Variants in COL23A1 observed in about 807,000 individuals in gnomAD.
The protein encoded by COL23A1 is collagen alpha-1(XXIII) chain.
In COL23A1, 97 loss-of-function variants were observed where a neutral mutation model predicts 99.3. That is an observed-to-expected ratio of 0.98 (90% CI 0.83 to 1.16). The LOEUF (loss-of-function observed/expected upper bound fraction) is 1.16, where lower values mean the gene tolerates loss of function less well. Among genes scored for constraint, COL23A1 ranks in the 50% most tolerant of loss-of-function variants. COL23A1 has a pLI of 0.00. For missense variants in COL23A1, 762 were observed against 757.4 expected (o/e 1.01, Z -0.07); for synonymous variants, 320 against 308.2 (o/e 1.04, Z -0.40).
In COL23A1 at chr5:178,487,293, TTTATTTATTTA is replaced by T. The variant is rs1562015614; in HGVS notation, c.361+73378_361+73388del. Reference sequence around the variant, plus strand: ...AGTCATGGTACCAGCCTCAGTTTTATTTATTTATTTATTTATTTATTTATTTATTTATTTAT... The same window carrying T: ...AGTCATGGTACCAGCCTCAGTTTTATTTTATTTATTTATTTATTTATTTAT... On this transcript the variant is annotated intron_variant, in intron 2 of 28. Coordinates refer to ENST00000390654, the MANE Select transcript of COL23A1 (RefSeq NM_173465.4). Among the ~76,000 whole-genome samples, 250 of 122,504 alleles carry T rather than the reference TTTATTTATTTA, an allele frequency of 2.0e-3. 4 individuals carry two copies. The highest frequency in any genetic ancestry group is 2.8e-3 in the Admixed American group (35 of 12,306). The allele number at this position is 122,504 out of a possible 152,430, so 80.4% of individuals were successfully genotyped here. A position where few individuals can be genotyped will look rare whatever the true frequency, so the allele number is the denominator to read the frequency against.
intron 5 of COL23A1, among the ~76,000 whole-genome samples, chr5:178,277,680 G>A (rs73804763): frequency 0.011 from 1,724 of 152,320 alleles, 36 homozygotes; most frequent in African/African-American, 0.038. Context: ...GGACCTGCTC[G>A]GTGATGCCTG....
chr5:178,411,791 A>ATATG (rs2127781474), intron 2 of COL23A1, among the ~76,000 whole-genome samples: 1 of 152,356 alleles, frequency 6.6e-6, no homozygotes, highest in East Asian at 1.9e-4. Context: ...TTTCACCTCA[A>ATATG]TATTCAACCT....
At chr5:178,531,759 T>C (rs1013569095) in intron 2 of COL23A1, among the ~76,000 whole-genome samples, 3 of 152,186 alleles carry the variant, frequency 2.0e-5, no homozygotes, top group African/African-American at 7.2e-5. Context: ...TGAGAGAGCT[T>C]CCCACTGCCC....
At chr5:178,274,450 C>G (rs895598343) in intron 5 of COL23A1, among the ~76,000 whole-genome samples, 10 of 152,168 alleles carry the variant, frequency 6.6e-5, no homozygotes, top group African/African-American at 2.4e-4. Flanking sequence ...GGGCAAGTGT[C>G]CAAGTGTCTA....
intron 26 of COL23A1, 80 bp downstream of exon 26, chr5:178,242,261 C>T: frequency 1.3e-6 from 2 of 1,528,230 alleles, no homozygotes; most frequent in Non-Finnish European, 1.8e-6. Context: ...GTTCTCTCTA[C>T]CTGCTTCACC....
chr5:178,567,156 T>C (rs1416603989), intron 1 of COL23A1, among the ~76,000 whole-genome samples: 1 of 152,222 alleles, frequency 6.6e-6, no homozygotes, highest in Non-Finnish European at 1.5e-5. Flanking sequence ...ATCACAGATA[T>C]GTGCATATAG....
At chr5:178,514,320 G>A (rs772897674) in intron 2 of COL23A1, among the ~76,000 whole-genome samples, 3 of 152,138 alleles carry the variant, frequency 2.0e-5, no homozygotes, top group African/African-American at 4.8e-5. Context: ...TTCCATCAAC[G>A]GACACTTGGG....
At chr5:178,577,415 G>A (rs1763431708) in intron 1 of COL23A1, among the ~76,000 whole-genome samples, 1 of 152,246 alleles carries the variant, frequency 6.6e-6, no homozygotes, top group African/African-American at 2.4e-5. Context: ...CCAGGGGTGA[G>A]GACTTCGCCA....
Position 178,281,442 on chromosome 5 carries a change from G to T in COL23A1, c.441+6882C>A, listed in dbSNP as rs2127576867. 6.6e-6 allele frequency among the ~76,000 whole-genome samples: 1 copy of T among 152,256 alleles called. No individual in the cohort carries two copies. Among genetic ancestry groups the T allele is most frequent in the Admixed American group, 6.5e-5 (1 of 15,302 alleles). ...CAGCCCAGAGCTCTCGCAGTCCCCT[G>T]GGGCCCCGGCTGTCGCTGCTCCCAG... is the stretch of plus-strand genomic sequence containing the variant. On this transcript the variant is annotated intron_variant, in intron 5 of 28. Transcript: ENST00000390654. This position sits in a 1 kb window ranked among gnomAD's most constrained non-coding sequence, Gnocchi z 4.0.
rs1345941069 is a variant in COL23A1, at chr5:178,309,426, G to A, written c.362-2507C>T. ...GGCCAGGCAGGCTGGATGTGACCCC[G>A]ACTGAATAGGGCCCTCGTGGAGGGA... is the stretch of plus-strand genomic sequence containing the variant. On this transcript the variant is annotated intron_variant, in intron 2 of 28. Transcript: ENST00000390654. This position sits in a 1 kb window ranked among gnomAD's most constrained non-coding sequence, Gnocchi z 4.7. 1.3e-5 allele frequency among the ~76,000 whole-genome samples: 2 copies of A among 152,222 alleles called. No homozygotes were observed. The highest frequency in any genetic ancestry group is 2.9e-5 in the Non-Finnish European group (2 of 68,004).
At chr5:178,381,586 G>A (rs1763384747) in intron 2 of COL23A1, among the ~76,000 whole-genome samples, 1 of 152,210 alleles carries the variant, frequency 6.6e-6, no homozygotes, top group African/African-American at 2.4e-5. Context: ...ATGCCATATG[G>A]GAATTCTGTG....
Position 178,581,802 on chromosome 5 carries a change from A to G in COL23A1, c.294+8102T>C, listed in dbSNP as rs79329791. Among the ~76,000 whole-genome samples the G allele has an allele frequency of 3.1e-3, 471 of 152,278 alleles. 3 individuals carry two copies. Among genetic ancestry groups the G allele is most frequent in the African/African-American group, 0.01 (432 of 41,550 alleles). On this transcript the variant is annotated intron_variant, in intron 1 of 28. Coordinates refer to ENST00000390654, the MANE Select transcript of COL23A1 (RefSeq NM_173465.4). ...TCTTGATGGGATATACGGTACAGTC[A>G]TCACACATGACCCTAAAGATGAGCC...
At chr5:178,333,741 C>T (rs1321936691) in intron 2 of COL23A1, among the ~76,000 whole-genome samples, 1 of 152,214 alleles carries the variant, frequency 6.6e-6, no homozygotes, top group African/African-American at 2.4e-5. Context: ...TGGCCTGTGA[C>T]TGGCCCCCTG....
At chr5:178,316,779 AAACT>A (rs1759003505) in intron 2 of COL23A1, among the ~76,000 whole-genome samples, 1 of 152,220 alleles carries the variant, frequency 6.6e-6, no homozygotes, top group African/African-American at 2.4e-5. Flanking sequence ...ACGCTCAAAC[AAACT>A]AATAATAACA....
intron 2 of COL23A1, among the ~76,000 whole-genome samples, chr5:178,537,487 T>G (rs896965633): frequency 6.6e-6 from 1 of 152,098 alleles, no homozygotes; most frequent in African/African-American, 2.4e-5. Context: ...TGTCCACAGA[T>G]GCCTGGGACT....
intron 2 of COL23A1, among the ~76,000 whole-genome samples, chr5:178,359,242 G>A (rs1214085605): frequency 6.6e-6 from 1 of 152,228 alleles, no homozygotes; most frequent in Non-Finnish European, 1.5e-5. Context: ...TAGTGAAGGG[G>A]GCTGGGTGCA....
At position 178,340,169 on chromosome 5, in the gene COL23A1, C is replaced by T. The variant is rs748784019; in HGVS notation, c.362-33250G>A. 7.9e-5 allele frequency among the ~76,000 whole-genome samples: 12 copies of T among 152,138 alleles called. No homozygotes were observed. The highest frequency in any genetic ancestry group is 4.1e-4 in the South Asian group (2 of 4,820). The stretch of plus-strand genomic sequence containing the variant: ...TGGGCATCATACTCCCTCCTCACAG[C>T]GTTCTCATGAGGAATGCACCTATGA... On this transcript the variant is annotated intron_variant, in intron 2 of 28. Coordinates refer to ENST00000390654, the MANE Select transcript of COL23A1 (RefSeq NM_173465.4). This position sits in a 1 kb window ranked among gnomAD's most constrained non-coding sequence, Gnocchi z 4.7.
rs1761135557 is a variant in COL23A1 at position 178,348,830 on chromosome 5, C to T, written c.362-41911G>A. Among the ~76,000 whole-genome samples the T allele has an allele frequency of 2.0e-5, 3 of 152,346 alleles. No homozygotes were observed. The South Asian group carries it at 6.2e-4, about 32-fold the overall frequency. ...AGCCCTTCCATCTGAGGCCCAGCCACTCTCTGCACACGGCCCAGGCCAACC... is the reference window on the plus strand; with the variant it reads ...AGCCCTTCCATCTGAGGCCCAGCCATTCTCTGCACACGGCCCAGGCCAACC... On this transcript the variant is annotated intron_variant, in intron 2 of 28. Coordinates refer to ENST00000390654, the MANE Select transcript of COL23A1 (RefSeq NM_173465.4).
At chr5:178,527,779 GC>G (rs1458756466) in intron 2 of COL23A1, among the ~76,000 whole-genome samples, 2 of 152,222 alleles carry the variant, frequency 1.3e-5, no homozygotes, top group Non-Finnish European at 2.9e-5. Flanking sequence ...GCTCCCTGCA[GC>G]CTGGATACTG....
Sources: allele counts gnomAD v4.1 joint callset (sites outside exome capture counted in the v4.1 genomes callset), GRCh38; gene constraint gnomAD v4.1.1; non-coding constraint Gnocchi (gnomAD v3.1); transcripts MANE v1.5; gene names NCBI Gene and HGNC (gene_info 2026-07-23, HGNC 2026-07-21).